Variants in SACM1L observed in about 807,000 individuals in gnomAD.
The protein encoded by SACM1L is phosphatidylinositol-3-phosphatase SAC1.
SACM1L carries 32 observed loss-of-function variants against 89.5 expected under a neutral mutation model. The observed-to-expected ratio is 0.36, with a 90% CI of 0.27 to 0.48. The LOEUF (loss-of-function observed/expected upper bound fraction) is 0.48. Ranked by LOEUF, SACM1L falls within the 20% of genes least tolerant of loss-of-function variation. The probability of loss-of-function intolerance (pLI) is 0.99; values close to 1 mark genes in which losing one functional copy is unlikely to be tolerated. For missense variants in SACM1L, 543 were observed against 708.5 expected, an observed-to-expected ratio of 0.77 and a Z score of 2.65; for synonymous variants, 213 against 232.8, an observed-to-expected ratio of 0.92 and a Z score of 0.77.
At chr3:45,743,130 C>T (rs1193654548) in intron 19 of SACM1L, among the ~76,000 whole-genome samples, 1 of 152,040 alleles carries the variant, frequency 6.6e-6, no homozygotes, top group Non-Finnish European at 1.5e-5. Context: ...TAGCTCATAT[C>T]TGTTATAGAA....
At chr3:45,739,709 G>GT in intron 19 of SACM1L, 65 bp downstream of exon 19, 2 of 1,452,696 alleles carry the variant, frequency 1.4e-6, no homozygotes, top group Non-Finnish European at 1.9e-6. Flanking sequence ...AACATCTTAA[G>GT]TTTTTGAGTT....
At chr3:45,728,650 G>A (rs1281430406) in intron 11 of SACM1L, among the ~76,000 whole-genome samples, 5 of 151,928 alleles carry the variant, frequency 3.3e-5, no homozygotes, top group Non-Finnish European at 5.9e-5. Flanking sequence ...TTATTTTTAT[G>A]CAGTTGGCTC....
At chr3:45,705,070 T>G (rs1474874836) in intron 2 of SACM1L, 65 bp from the exon 3 acceptor site, 4 of 1,059,562 alleles carry the variant, frequency 3.8e-6, no homozygotes, top group Non-Finnish European at 5.7e-6. Flanking sequence ...GAAATCGAAC[T>G]AAATTTCTGT....
chr3:45,740,023 C>T (rs9813643), intron 19 of SACM1L: 28,397 of 207,842 alleles, frequency 0.14, 2,112 homozygotes, highest in African/African-American at 0.2. Context: ...TTAAGGACTT[C>T]AGTATTAAAT....
At chr3:45,696,711 G>A (rs1259447767) in intron 1 of SACM1L, among the ~76,000 whole-genome samples, 5 of 151,716 alleles carry the variant, frequency 3.3e-5, no homozygotes, top group African/African-American at 1.2e-4. Flanking sequence ...AAGTAGTAAT[G>A]TTTTTGTAGT....
Position 45,722,099 on chromosome 3 carries a change from T to A in SACM1L, c.765+14T>A. ...TCGTTTGTACAGGCAAGTTGTTATG[T>A]CTGTTAGGCAGTCAGCGAGTTGGCC... is the stretch of plus-strand genomic sequence containing the variant. On this transcript the variant is annotated intron_variant, in intron 9 of 19. Transcript: ENST00000389061. 1 of 1,536,854 alleles carries A rather than the reference T, an allele frequency of 6.5e-7. No homozygotes were observed.
At chr3:45,735,971 A>C (rs536615980) in intron 14 of SACM1L, among the ~76,000 whole-genome samples, 4 of 152,064 alleles carry the variant, frequency 2.6e-5, no homozygotes, top group African/African-American at 9.7e-5. Flanking sequence ...GGCTCAAGCC[A>C]TCCTACTAAC....
intron 7 of SACM1L, among the ~76,000 whole-genome samples, chr3:45,715,571 C>A (rs752472507): frequency 5.9e-5 from 9 of 152,064 alleles, no homozygotes; most frequent in Non-Finnish European, 1.3e-4. Context: ...GTCAGGAGTT[C>A]GAGACCAGTC....
intron 19 of SACM1L, 129 bp from the exon 20 acceptor site, chr3:45,743,404 G>C: frequency 1.1e-6 from 1 of 922,970 alleles, no homozygotes; most frequent in Non-Finnish European, 1.6e-6. Flanking sequence ...CCTTAATTAA[G>C]AGGTTCTTAT....
intron 4 of SACM1L, among the ~76,000 whole-genome samples, chr3:45,708,302 ATTCTTTGAAACTTAC>A (rs1184597095): frequency 6.6e-6 from 1 of 152,108 alleles, no homozygotes; most frequent in Non-Finnish European, 1.5e-5. Context: ...CCCTGTTCTG[ATTCTTTGAAACTTAC>A]TTTTTAAAGT....
At chr3:45,697,150 A>AT (rs1263913793) in intron 1 of SACM1L, among the ~76,000 whole-genome samples, 1 of 150,144 alleles carries the variant, frequency 6.7e-6, no homozygotes, top group Non-Finnish European at 1.5e-5. Context: ...CTAAGTGTTG[A>AT]TTCTTTCTTT....
At chr3:45,721,976 A>G in intron 8 of SACM1L, 24 bp from the exon 9 acceptor site, 1 of 1,518,486 alleles carries the variant, frequency 6.6e-7, no homozygotes, top group Non-Finnish European at 9.1e-7. Context: ...AGTATAGTTA[A>G]TTCTTAATTT....
intron 3 of SACM1L, 49 bp downstream of exon 3, chr3:45,705,258 G>C (rs1437270445): frequency 2.7e-6 from 3 of 1,098,092 alleles, no homozygotes; most frequent in Non-Finnish European, 4.2e-6. Flanking sequence ...TAGCAAGGTA[G>C]TTAAATTGTT....
chr3:45,724,462 G>A (rs1028201215), intron 11 of SACM1L, among the ~76,000 whole-genome samples: 1 of 152,148 alleles, frequency 6.6e-6, no homozygotes, highest in Non-Finnish European at 1.5e-5. Context: ...TTGGAGAAAT[G>A]TCTATGTAAA....
chr3:45,720,082 C>T (rs549632769), intron 8 of SACM1L, among the ~76,000 whole-genome samples: 86 of 152,258 alleles, frequency 5.6e-4, no homozygotes, highest in African/African-American at 2.0e-3. Context: ...AGCTTACTGT[C>T]ATTATGAAAA....
intron 2 of SACM1L, among the ~76,000 whole-genome samples, chr3:45,704,540 T>C (rs965899549): frequency 1.3e-5 from 2 of 152,210 alleles, no homozygotes; most frequent in African/African-American, 2.4e-5. Flanking sequence ...TTTTAACTAG[T>C]GTTAGTACAC....
At chr3:45,710,639 T>C (rs948641326) in intron 5 of SACM1L, among the ~76,000 whole-genome samples, 2 of 152,124 alleles carry the variant, frequency 1.3e-5, no homozygotes, top group East Asian at 1.9e-4. Context: ...TAGAAGTGTT[T>C]AATGAGAAGA....
At chr3:45,727,939 C>T (rs976629621) in intron 11 of SACM1L, among the ~76,000 whole-genome samples, 2 of 152,164 alleles carry the variant, frequency 1.3e-5, no homozygotes, top group Non-Finnish European at 2.9e-5. Context: ...TCAGTTCTGT[C>T]AGTGTGCTTC....
At chr3:45,710,500 C>CTTTTT (rs11413682) in intron 5 of SACM1L, among the ~76,000 whole-genome samples, 2 of 134,142 alleles carry the variant, frequency 1.5e-5, no homozygotes, top group Non-Finnish European at 3.1e-5. Context: ...CCCAGTCTGC[C>CTTTTT]TTTTTTTTTT....
Sources: gnomAD v4.1 joint callset for allele counts (sites outside exome capture counted in the v4.1 genomes callset) on GRCh38, gnomAD v4.1.1 for gene constraint, MANE v1.5 for transcripts, NCBI Gene and HGNC (gene_info 2026-07-23, HGNC 2026-07-21) for gene names.